The following ERBIN variants were observed in gnomAD, a reference collection of about 807,000 sequenced individuals.
ERBIN encodes erbb2 interacting protein, also known as densin-180-like protein.
ERBIN carries 60 observed loss-of-function variants against 158.4 expected under a neutral mutation model. The observed-to-expected ratio is 0.38, with a 90% confidence interval of 0.31 to 0.47. The LOEUF is 0.47. ERBIN is among the 20% of genes least tolerant of loss of function. The probability of loss-of-function intolerance (pLI) is 0.99; values close to 1 mark genes in which losing one functional copy is unlikely to be tolerated. For missense variants in ERBIN, 1,610 were observed against 1,648.0 expected, an observed-to-expected ratio of 0.98 and a Z score of 0.40; for synonymous variants, 594 against 557.2, an observed-to-expected ratio of 1.07 and a Z score of -0.93.
chr5:66,000,002 A>G (rs1752860986), intron 4 of ERBIN, among the ~76,000 whole-genome samples: 1 of 152,214 alleles, frequency 6.6e-6, no homozygotes, highest in East Asian at 1.9e-4. Flanking sequence ...TGACAGATAA[A>G]TTAATCCAGA....
At chr5:66,077,788 A>T (rs567684317) in intron 25 of ERBIN, among the ~76,000 whole-genome samples, 2,603 of 133,370 alleles carry the variant, frequency 0.02, 78 homozygotes, top group African/African-American at 0.071. Context: ...ACACACACAC[A>T]CACACATACA....
chr5:65,937,334 AT>A (rs1744207005), intron 1 of ERBIN, among the ~76,000 whole-genome samples: 2 of 152,220 alleles, frequency 1.3e-5, no homozygotes, highest in South Asian at 4.1e-4. Context: ...GAGTGAAAAA[AT>A]AATCTAGCTT....
intron 21 of ERBIN, among the ~76,000 whole-genome samples, chr5:66,060,347 C>T (rs992483488): frequency 6.6e-6 from 1 of 152,168 alleles, no homozygotes; most frequent in Admixed American, 6.5e-5. Context: ...TTAGTTTTCT[C>T]TGATGGTAGT....
intron 1 of ERBIN, among the ~76,000 whole-genome samples, chr5:65,956,545 C>T (rs1227232441): frequency 2.2e-5 from 3 of 136,058 alleles, no homozygotes; most frequent in East Asian, 4.2e-4. Flanking sequence ...AATTTTTTTA[C>T]TTTTTTTTTT....
chr5:66,072,855 CCT>C (rs1446147144), intron 22 of ERBIN, among the ~76,000 whole-genome samples: 1 of 152,070 alleles, frequency 6.6e-6, no homozygotes, highest in African/African-American at 2.4e-5. Context: ...TGATTCCATG[CCT>C]CTAGTATGAC....
chr5:66,081,371 A>G lies in ERBIN; in HGVS notation c.*2841A>G, dbSNP rs1192712752. The G allele has an allele frequency of 6.6e-6, 1 of 152,024 alleles. No homozygotes were observed. The highest frequency in any genetic ancestry group is 2.4e-5 in the African/African-American group (1 of 41,430). 9.4% of individuals were successfully genotyped at this position (152,024 alleles called of 1,614,324 possible). A position where few individuals can be genotyped will look rare whatever the true frequency, so the allele number is the denominator to read the frequency against. ...ATGAAGATATATATATATACACTTA[A>G]TTCTTTTAAACACAAAACTTGCCAT... On this transcript the variant is annotated 3_prime_UTR_variant, in exon 26 of 26. Transcript: ENST00000284037.
intron 1 of ERBIN, among the ~76,000 whole-genome samples, chr5:65,951,378 C>G (rs1746487360): frequency 6.6e-6 from 1 of 152,092 alleles, no homozygotes; most frequent in African/African-American, 2.4e-5. Context: ...ATAATAAGTG[C>G]TCAATAAGTA....
At chr5:65,994,608 C>A in intron 3 of ERBIN, 139 bp from the exon 4 acceptor site, 1 of 554,488 alleles carries the variant, frequency 1.8e-6, no homozygotes, top group Non-Finnish European at 3.2e-6. Context: ...AATAGCATAA[C>A]CAGAACAATG....
chr5:65,934,046 G>A (rs1284890538), intron 1 of ERBIN, among the ~76,000 whole-genome samples: 7 of 151,892 alleles, frequency 4.6e-5, no homozygotes, highest in Admixed American at 1.3e-4. Flanking sequence ...ATAGACGCCC[G>A]CCACCACGCC....
intron 4 of ERBIN, among the ~76,000 whole-genome samples, chr5:66,009,265 A>G (rs919036216): frequency 2.0e-5 from 3 of 152,244 alleles, no homozygotes; most frequent in African/African-American, 7.2e-5. Flanking sequence ...TGCATCCTCA[A>G]TGGAATGATC....
At chr5:66,025,235 A>G (rs1443648486) in intron 10 of ERBIN, 3 of 445,882 alleles carry the variant, frequency 6.7e-6, no homozygotes, top group South Asian at 2.8e-5. Flanking sequence ...AGTTCCTACT[A>G]TCAGTATATT....
chr5:66,063,121 G>T (rs531466796), intron 21 of ERBIN, among the ~76,000 whole-genome samples: 1 of 152,326 alleles, frequency 6.6e-6, no homozygotes, highest in South Asian at 2.1e-4. Context: ...TTGTTTGTCT[G>T]TGCCCTGCCC....
chr5:66,021,219 CATAA>C, intron 7 of ERBIN, 99 bp from the exon 8 acceptor site: 5 of 586,010 alleles, frequency 8.5e-6, no homozygotes, highest in South Asian at 2.9e-5. Context: ...TGTGAAAGCC[CATAA>C]ATAATTACCT....
intron 1 of ERBIN, among the ~76,000 whole-genome samples, chr5:65,966,506 C>G (rs927074875): frequency 6.6e-6 from 1 of 151,794 alleles, no homozygotes; most frequent in Non-Finnish European, 1.5e-5. Context: ...CATGGAGAAA[C>G]CCTGTCTCTA....
At chr5:65,939,378 A>G (rs1056060139) in intron 1 of ERBIN, among the ~76,000 whole-genome samples, 1 of 152,170 alleles carries the variant, frequency 6.6e-6, no homozygotes, top group African/African-American at 2.4e-5. Flanking sequence ...CAGAGGTTGC[A>G]GTGAGCCGAG....
At chr5:66,037,664 G>A (rs1330478923) in intron 14 of ERBIN, among the ~76,000 whole-genome samples, 2 of 152,130 alleles carry the variant, frequency 1.3e-5, no homozygotes, top group African/African-American at 2.4e-5. Context: ...TGACATGTGA[G>A]GGGAGAATTG....
intron 2 of ERBIN, among the ~76,000 whole-genome samples, chr5:65,990,688 A>G (rs1185426724): frequency 6.7e-6 from 1 of 149,738 alleles, no homozygotes; most frequent in Non-Finnish European, 1.5e-5. Context: ...ATGAAATGAG[A>G]GTCTGCATGT....
intron 1 of ERBIN, among the ~76,000 whole-genome samples, chr5:65,927,737 A>C (rs1001807640): frequency 6.6e-6 from 1 of 152,214 alleles, no homozygotes; most frequent in Non-Finnish European, 1.5e-5. Flanking sequence ...TCGGTTCTGC[A>C]TAAATAGTGA....
intron 14 of ERBIN, among the ~76,000 whole-genome samples, chr5:66,033,376 C>A (rs889883405): frequency 1.3e-5 from 2 of 152,014 alleles, no homozygotes; most frequent in African/African-American, 4.8e-5. Flanking sequence ...TCCTGAGGAA[C>A]CCCAACATTT....
Sources: gnomAD v4.1 joint callset for allele counts (sites outside exome capture counted in the v4.1 genomes callset) on GRCh38, gnomAD v4.1.1 for gene constraint, MANE v1.5 for transcripts, NCBI Gene and HGNC (gene_info 2026-07-23, HGNC 2026-07-21) for gene names.